The following TAFA1 variants were observed in gnomAD, a reference collection of about 807,000 sequenced individuals.
TAFA1 encodes chemokine-like protein TAFA-1.
In TAFA1, 4 loss-of-function variants were observed where a neutral mutation model predicts 18.5. That is an observed-to-expected ratio of 0.22 (90% CI 0.11 to 0.49). The LOEUF (loss-of-function observed/expected upper bound fraction) is 0.49. TAFA1 is among the 20% of genes least tolerant of loss of function. The pLI is 0.98. For missense variants in TAFA1, 147 were observed against 169.0 expected, an observed-to-expected ratio of 0.87 and a Z score of 0.72; for synonymous variants, 56 against 55.2, an observed-to-expected ratio of 1.01 and a Z score of -0.06.
intron 2 of TAFA1, among the ~76,000 whole-genome samples, chr3:68,299,830 CA>C (rs79053142): frequency 0.063 from 9,623 of 152,304 alleles, 471 homozygotes; most frequent in African/African-American, 0.13. Context: ...GTGCAAGTCA[CA>C]AGCCTTGGTG....
chr3:68,313,019 C>T (rs576325676), intron 2 of TAFA1, among the ~76,000 whole-genome samples: 5 of 152,100 alleles, frequency 3.3e-5, no homozygotes, highest in East Asian at 3.9e-4. Flanking sequence ...AGGGAGACTC[C>T]GATTTTTAAA....
chr3:68,089,654 A>C (rs1411205617), intron 2 of TAFA1, among the ~76,000 whole-genome samples: 1 of 152,074 alleles, frequency 6.6e-6, no homozygotes, highest in Non-Finnish European at 1.5e-5. Context: ...GACTCTGCCA[A>C]CTCCAATCTT....
intron 2 of TAFA1, among the ~76,000 whole-genome samples, chr3:68,119,718 T>G: frequency 6.6e-6 from 1 of 152,042 alleles, no homozygotes; most frequent in Non-Finnish European, 1.5e-5. Flanking sequence ...GTGCTCTAAT[T>G]TGTTCTATTG....
chr3:68,350,746 GTTGT>G (rs1439110141), intron 2 of TAFA1, among the ~76,000 whole-genome samples: 1 of 152,064 alleles, frequency 6.6e-6, no homozygotes, highest in African/African-American at 2.4e-5. Context: ...TGATGAAGAG[GTTGT>G]TTATCTGTGT....
At chr3:68,176,511 T>C (rs929682483) in intron 2 of TAFA1, among the ~76,000 whole-genome samples, 10 of 152,134 alleles carry the variant, frequency 6.6e-5, no homozygotes, top group African/African-American at 2.4e-4. Context: ...GATCATTTAG[T>C]CTCCCCTATA....
chr3:68,042,191 T>C (rs1435524284), intron 2 of TAFA1, among the ~76,000 whole-genome samples: 2 of 152,190 alleles, frequency 1.3e-5, no homozygotes, highest in Admixed American at 1.3e-4. Context: ...CTTGAGCCTG[T>C]AGGGTACTGT....
At chr3:68,460,289 T>A (rs919479629) in intron 3 of TAFA1, among the ~76,000 whole-genome samples, 2 of 152,114 alleles carry the variant, frequency 1.3e-5, no homozygotes, top group Admixed American at 6.6e-5. Flanking sequence ...TCCTAGACCA[T>A]CTGATAAATC....
intron 2 of TAFA1, among the ~76,000 whole-genome samples, chr3:68,298,511 C>G (rs779819189): frequency 6.6e-6 from 1 of 152,070 alleles, no homozygotes; most frequent in Non-Finnish European, 1.5e-5. Flanking sequence ...GACAAAAACA[C>G]TTATATGGTT....
At chr3:68,219,245 T>C (rs1054063751) in intron 2 of TAFA1, among the ~76,000 whole-genome samples, 1 of 152,132 alleles carries the variant, frequency 6.6e-6, no homozygotes, top group African/African-American at 2.4e-5. Context: ...AGTTTCCTTA[T>C]AACCCAAAGA....
intron 2 of TAFA1, among the ~76,000 whole-genome samples, chr3:68,120,189 CTT>C (rs1188995283): frequency 1.1e-4 from 4 of 37,546 alleles, no homozygotes; most frequent in Non-Finnish European, 2.3e-4. Context: ...TTCTTTCTTT[CTT>C]TCTTTCTTTC....
At position 68,201,891 on chromosome 3, in the gene TAFA1, G is replaced by T. The variant is rs535925502; in HGVS notation, c.118+195147G>T. 7.2e-4 allele frequency among the ~76,000 whole-genome samples: 109 copies of T among 151,790 alleles called. 1 individual carries two copies. The highest frequency in any genetic ancestry group is 2.5e-3 in the African/African-American group (105 of 41,476). On this transcript the variant is annotated intron_variant, in intron 2 of 4. Transcript: ENST00000478136. ...CCATAACACGATGGAGAATGTCAGT[G>T]GGGAAGCTGACACATAGGAAGAGGC...
chr3:68,257,095 C>T (rs1050380650), intron 2 of TAFA1, among the ~76,000 whole-genome samples: 1 of 152,060 alleles, frequency 6.6e-6, no homozygotes, highest in African/African-American at 2.4e-5. Flanking sequence ...CTCTCTGGCC[C>T]TTGACTATAT....
At chr3:68,413,409 T>C (rs1189744635) in intron 2 of TAFA1, among the ~76,000 whole-genome samples, 5 of 152,136 alleles carry the variant, frequency 3.3e-5, no homozygotes. Flanking sequence ...TTTATTATGG[T>C]ATTGGGCACA....
intron 2 of TAFA1, among the ~76,000 whole-genome samples, chr3:68,040,417 G>C (rs1296883376): frequency 6.6e-6 from 1 of 152,044 alleles, no homozygotes; most frequent in Non-Finnish European, 1.5e-5. Flanking sequence ...CTATAGGTGG[G>C]GTTCAACTGA....
At chr3:68,263,110 T>G (rs1027366307) in intron 2 of TAFA1, among the ~76,000 whole-genome samples, 35 of 152,106 alleles carry the variant, frequency 2.3e-4, no homozygotes, top group African/African-American at 7.0e-4. Context: ...TCAGAAATAT[T>G]TTTAAGAGAT....
At chr3:68,016,326 A>G (rs937975249) in intron 2 of TAFA1, among the ~76,000 whole-genome samples, 2 of 152,170 alleles carry the variant, frequency 1.3e-5, no homozygotes, top group African/African-American at 4.8e-5. Context: ...TTATAATACC[A>G]TATTTTTACC....
intron 2 of TAFA1, among the ~76,000 whole-genome samples, chr3:68,062,391 T>C (rs529058193): frequency 1.4e-4 from 21 of 152,196 alleles, no homozygotes; most frequent in Non-Finnish European, 2.8e-4. Flanking sequence ...ACAAACATGG[T>C]CAAATAAGCA....
intron 2 of TAFA1, among the ~76,000 whole-genome samples, chr3:68,304,220 T>A (rs1575761989): frequency 6.6e-6 from 1 of 152,122 alleles, no homozygotes; most frequent in Non-Finnish European, 1.5e-5. Flanking sequence ...TATGAAAAAA[T>A]GTAAAGGAGA....
chr3:68,031,968 T>G (rs1704944431), intron 2 of TAFA1, among the ~76,000 whole-genome samples: 1 of 152,196 alleles, frequency 6.6e-6, no homozygotes, highest in Non-Finnish European at 1.5e-5. Flanking sequence ...TTTTTCCTTC[T>G]CTAAGCTGCA....
Sources: allele counts gnomAD v4.1 joint callset (sites outside exome capture counted in the v4.1 genomes callset), GRCh38; gene constraint gnomAD v4.1.1; transcripts MANE v1.5; gene names NCBI Gene and HGNC (gene_info 2026-07-23, HGNC 2026-07-21).